The following IMPG2 variants were observed in gnomAD, a reference collection of about 807,000 sequenced individuals.
The protein encoded by IMPG2 is IPM 200.
IMPG2 carries 91 observed loss-of-function variants against 129.2 expected under a neutral mutation model. The observed-to-expected ratio is 0.70, with a 90% CI of 0.59 to 0.84. The LOEUF is 0.84. Among genes scored for constraint, IMPG2 ranks in the 40% least tolerant of loss-of-function variants. The pLI, the probability that IMPG2 is intolerant of heterozygous loss-of-function variation, is 0.00. For missense variants in IMPG2, 1,430 were observed against 1,461.7 expected (o/e 0.98, Z 0.35); for synonymous variants, 510 against 517.7 (o/e 0.99, Z 0.20).
At chr3:101,268,871 G>A (rs1277320231) in intron 8 of IMPG2, among the ~76,000 whole-genome samples, 1 of 152,096 alleles carries the variant, frequency 6.6e-6, no homozygotes, top group Admixed American at 6.6e-5. Flanking sequence ...TTGACTTTGG[G>A]CTAATACTTC....
In IMPG2 at chr3:101,243,837, T is replaced by A. The variant is rs1400491599; in HGVS notation, c.2494A>T (p.Ile832Phe). 1 of 1,614,202 alleles carries A rather than the reference T, an allele frequency of 6.2e-7. No individual in the cohort carries two copies. The highest frequency in any genetic ancestry group is 1.1e-5 in the South Asian group (1 of 91,082). The change falls in exon 13 of 19, where the codon ATT becomes TTT. Residue 832 changes from isoleucine to phenylalanine, a missense_variant. Coordinates refer to ENST00000193391, the MANE Select transcript of IMPG2 (RefSeq NM_016247.4). ...AACGAAATATCCTGTACACCCATAA[T>A]TACTTCATCCTCTAGCAGGGTGGAG... The part of the protein sequence containing the change: ...TISTLLEDEV[I>F]MGVQDISLEL...
At chr3:101,264,595 C>T (rs964113345) in intron 9 of IMPG2, among the ~76,000 whole-genome samples, 3 of 152,066 alleles carry the variant, frequency 2.0e-5, no homozygotes, top group Non-Finnish European at 4.4e-5. Flanking sequence ...TAACATCATA[C>T]TGCATGGGGA....
chr3:101,251,570 G>A (rs962266822), intron 11 of IMPG2, among the ~76,000 whole-genome samples: 1 of 151,962 alleles, frequency 6.6e-6, no homozygotes, highest in Non-Finnish European at 1.5e-5. Context: ...TTATTATATT[G>A]GCCAGTTTCA....
intron 10 of IMPG2, 138 bp downstream of exon 10, chr3:101,257,391 C>G (rs1339791860): frequency 2.1e-6 from 2 of 975,320 alleles, no homozygotes; most frequent in African/African-American, 3.3e-5. Flanking sequence ...GGCTAAAACT[C>G]CATTCATATC....
At chr3:101,287,287 A>G (rs1005788889) in intron 4 of IMPG2, among the ~76,000 whole-genome samples, 1 of 152,208 alleles carries the variant, frequency 6.6e-6, no homozygotes, top group Non-Finnish European at 1.5e-5. Flanking sequence ...GATTGGAAGA[A>G]TCAATGTCAT....
chr3:101,226,759 T>C lies in IMPG2; in HGVS notation c.*210A>G, dbSNP rs1706228994. The C allele has an allele frequency of 1.7e-6, 1 of 572,380 alleles. No homozygotes were observed. Among genetic ancestry groups the C allele is most frequent in the African/African-American group, 1.9e-5 (1 of 53,110 alleles). The allele number at this position is 572,380 out of a possible 1,614,324, so 35.5% of individuals were successfully genotyped here. ...GTTTTCAATTTATTTAAACACAGCA[T>C]TCAGTCTTTATAGAAATAAAAATGG... On this transcript the variant is annotated 3_prime_UTR_variant, in exon 19 of 19. Transcript: ENST00000193391.
intron 10 of IMPG2, among the ~76,000 whole-genome samples, chr3:101,254,775 C>G (rs1240576114): frequency 6.6e-6 from 1 of 152,116 alleles, no homozygotes; most frequent in East Asian, 1.9e-4. Flanking sequence ...TGTTGAATTG[C>G]GATCCCAAGC....
intron 4 of IMPG2, among the ~76,000 whole-genome samples, chr3:101,277,709 A>G (rs751900899): frequency 6.6e-6 from 1 of 152,200 alleles, no homozygotes; most frequent in African/African-American, 2.4e-5. Context: ...ATAAGAAGAG[A>G]TCAGAAGATA....
chr3:101,304,444 T>C, intron 2 of IMPG2, 132 bp from the exon 3 acceptor site: 1 of 793,270 alleles, frequency 1.3e-6, no homozygotes, highest in South Asian at 1.5e-5. Context: ...GGAATGATTC[T>C]CAGTCAAAGG....
Position 101,244,366 on chromosome 3 carries a change from C to T in IMPG2, c.1965G>A (p.Met655Ile). ...EDKKLVLVDK[M>I]DSTDQISKHS... ...GCTTACTAATTTGGTCTGTGGAATC[C>T]ATTTTGTCAACTAAAACTAGTTTCT... is the stretch of plus-strand genomic sequence containing the variant. The change falls in exon 13 of 19, where the codon ATG becomes ATA. Residue 655 changes from methionine to isoleucine, a missense_variant. Coordinates refer to ENST00000193391, the MANE Select transcript of IMPG2 (RefSeq NM_016247.4). 1 of 1,614,074 alleles carries T rather than the reference C, an allele frequency of 6.2e-7. No homozygotes were observed. The highest frequency in any genetic ancestry group is 8.5e-7 in the Non-Finnish European group (1 of 1,179,996).
intron 8 of IMPG2, among the ~76,000 whole-genome samples, chr3:101,268,365 T>C (rs1029069576): frequency 6.6e-6 from 1 of 152,326 alleles, no homozygotes; most frequent in East Asian, 1.9e-4. Flanking sequence ...CATCTGAGCA[T>C]ACAACTGGAG....
intron 3 of IMPG2, among the ~76,000 whole-genome samples, chr3:101,298,537 A>C (rs1576768130): frequency 6.6e-6 from 1 of 152,120 alleles, no homozygotes; most frequent in Admixed American, 6.5e-5. Context: ...GGCTGGTACC[A>C]GTTTTTCCTT....
At position 101,243,741 on chromosome 3, in the gene IMPG2, T is replaced by C. The variant is rs1706436309; in HGVS notation, c.2590A>G (p.Ser864Gly). The C allele has an allele frequency of 6.2e-7, 1 of 1,613,910 alleles. No homozygotes were observed. Among genetic ancestry groups the C allele is most frequent in the Non-Finnish European group, 8.5e-7 (1 of 1,179,794 alleles). ...QVQEQNGKVG[S>G]YVEMSTSVHS... The stretch of plus-strand genomic sequence containing the variant: ...ACACTTGTTGACATTTCCACATAAC[T>C]ACCAACCTTGCCATTTTGCTCTTGG... Residue 864 changes from serine to glycine, a missense_variant, in exon 13 of 19, where the codon AGT (serine) becomes GGT (glycine). Transcript: ENST00000193391.
chr3:101,279,002 A>C (rs367769352), intron 4 of IMPG2, among the ~76,000 whole-genome samples: 6 of 152,190 alleles, frequency 3.9e-5, no homozygotes, highest in African/African-American at 1.4e-4. Flanking sequence ...ACATTAACAT[A>C]ATCAGGCCTG....
At chr3:101,298,865 T>G (rs536713210) in intron 3 of IMPG2, among the ~76,000 whole-genome samples, 2 of 152,302 alleles carry the variant, frequency 1.3e-5, no homozygotes, top group Admixed American at 6.5e-5. Flanking sequence ...GAGAATCTGA[T>G]GATTATGTGT....
At chr3:101,248,617 T>A (rs914603769) in intron 11 of IMPG2, among the ~76,000 whole-genome samples, 2 of 152,198 alleles carry the variant, frequency 1.3e-5, no homozygotes, top group Non-Finnish European at 2.9e-5. Context: ...TCCTACTTTG[T>A]CCCTTCCCCT....
intron 3 of IMPG2, among the ~76,000 whole-genome samples, chr3:101,297,997 G>A (rs1485545913): frequency 5.9e-5 from 9 of 152,210 alleles, no homozygotes; most frequent in African/African-American, 2.2e-4. Context: ...TGACAGTGGA[G>A]TGTTAAAGTC....
intron 9 of IMPG2, among the ~76,000 whole-genome samples, chr3:101,263,857 C>CA (rs769631265): frequency 0.038 from 2,451 of 64,260 alleles, 27 homozygotes; most frequent in Admixed American, 0.082. Flanking sequence ...TCTACAGATT[C>CA]AAAAAAAAAA....
rs573887512 is a variant in IMPG2, at chr3:101,229,027, A to G, written c.3634-151T>C. On this transcript the variant is annotated intron_variant, in intron 17 of 18. Transcript: ENST00000193391. Reference sequence around the variant, plus strand: ...AAGAAGTGCAGGAGTGTGCACTTTCAGAGAAATGGAAGGATCTACATACAC... The same window carrying G: ...AAGAAGTGCAGGAGTGTGCACTTTCGGAGAAATGGAAGGATCTACATACAC... 7.4e-5 allele frequency: 49 copies of G among 662,700 alleles called. No homozygotes were observed. In the African/African-American group the frequency reaches 8.7e-4, roughly 12 times the overall value. 41.1% of individuals were successfully genotyped at this position (662,700 alleles called of 1,614,324 possible).
Sources: allele counts gnomAD v4.1 joint callset (sites outside exome capture counted in the v4.1 genomes callset), GRCh38; gene constraint gnomAD v4.1.1; transcripts MANE v1.5; gene names NCBI Gene and HGNC (gene_info 2026-07-23, HGNC 2026-07-21).